ZNF691: variants seen among roughly 807,000 people sequenced by gnomAD.
ZNF691 encodes the protein zinc finger protein 691.
A neutral mutation model predicts 24.1 loss-of-function variants in ZNF691; 11 were observed. The ratio of observed to expected loss-of-function variants is 0.46; its 90% CI spans 0.29 to 0.75. The LOEUF is 0.75. Ranked by LOEUF, ZNF691 falls within the 30% of genes least tolerant of loss-of-function variation. ZNF691 has a pLI of 0.11. For synonymous variants in ZNF691, 149 were observed against 153.9 expected (o/e 0.97, Z 0.23); for missense variants, 356 against 409.0 (o/e 0.87, Z 1.12).
intron 3 of ZNF691, 112 bp downstream of exon 3, chr1:42,849,854 C>A (rs1004967694): frequency 3.1e-5 from 28 of 913,540 alleles, no homozygotes; most frequent in Non-Finnish European, 4.9e-5. Context: ...GTACTGGGCA[C>A]TCTTATGTGT....
At position 42,851,594 on chromosome 1, in the gene ZNF691, C is replaced by T. The variant is rs369770202; in HGVS notation, c.729C>T (p.Gly243=). 24 of 1,614,002 alleles carry T rather than the reference C, an allele frequency of 1.5e-5. No individual in the cohort carries two copies. Among genetic ancestry groups the T allele is most frequent in the Non-Finnish European group, 1.9e-5 (23 of 1,180,030 alleles). Residue 243 remains glycine, a synonymous_variant, in exon 4 of 4, where the codon GGC becomes GGT. Coordinates refer to ENST00000651192, the MANE Select transcript of ZNF691 (RefSeq NM_001242739.2). The surrounding 1 kb of genome is among the most constrained non-coding windows in gnomAD (Gnocchi z 4.7). ...GCTTCAGCAACAGCTCCAGCTTTGG[C>T]GTGCATCACCGCACCCACACAGGTG... ...GKSFSNSSSF[G]VHHRTHTGER...
intron 3 of ZNF691, chr1:42,850,419 T>A: frequency 1.0e-6 from 1 of 985,166 alleles, no homozygotes. Flanking sequence ...GTGGCAGAAA[T>A]CTCAAGAAAA....
intron 3 of ZNF691, chr1:42,850,327 C>CCCCACAGTAGGTCCTGGAGGT: frequency 1.3e-6 from 1 of 777,060 alleles, no homozygotes; most frequent in Non-Finnish European, 1.6e-6. Context: ...ACAGCCCAGG[C>CCCCACAGTAGGTCCTGGAGGT]CCCACAGTAG....
chr1:42,850,730 T>A (rs1655362285), intron 3 of ZNF691: 1 of 1,550,630 alleles, frequency 6.4e-7, no homozygotes, highest in Non-Finnish European at 8.7e-7. Context: ...AGCCGGTGCC[T>A]TCTTTTTGCT....
chr1:42,850,307 C>G lies in ZNF691; in HGVS notation c.84+565C>G, dbSNP rs1438106259. On this transcript the variant is annotated intron_variant, in intron 3 of 3. Transcript: ENST00000651192. ...AATGTAGTGGAGGGCACTGACTGATCAGAAGAAACACAGCCCAGGCCCCAC... is the reference window on the plus strand; with the variant it reads ...AATGTAGTGGAGGGCACTGACTGATGAGAAGAAACACAGCCCAGGCCCCAC... The G allele has an allele frequency of 8.1e-6, 5 of 616,238 alleles. No individual in the cohort carries two copies. The East Asian group carries it at 5.6e-4, about 69-fold the overall frequency. 38.2% of individuals were successfully genotyped at this position (616,238 alleles called of 1,614,324 possible). A position where few individuals can be genotyped will look rare whatever the true frequency, so the allele number is the denominator to read the frequency against.
intron 1 of ZNF691, among the ~76,000 whole-genome samples, chr1:42,848,950 CAG>C (rs1304116533): frequency 1.3e-5 from 2 of 152,212 alleles, no homozygotes; most frequent in Non-Finnish European, 2.9e-5. Context: ...GGAACACTAA[CAG>C]GGATTGGCAA....
chr1:42,850,168 G>A (rs183112426), intron 3 of ZNF691, among the ~76,000 whole-genome samples: 7 of 151,334 alleles, frequency 4.6e-5, no homozygotes, highest in Admixed American at 2.0e-4. Flanking sequence ...ACCGTGTTAC[G>A]TGAGAATATG....
In ZNF691 at chr1:42,851,703, G is replaced by A. The variant is rs1417879049; in HGVS notation, c.838G>A (p.Glu280Lys). The change falls in exon 4 of 4, where the codon GAG becomes AAG. Residue 280 changes from glutamate to lysine, a missense_variant. By Grantham distance (56) the Glu-to-Lys change is moderately conservative. Transcript: ENST00000651192. This position sits in a 1 kb window ranked among gnomAD's most constrained non-coding sequence, Gnocchi z 4.7. ...FGAHQRTHRG[E>K]KPYRCTVCGK... is the part of the protein sequence containing the mutation. ...AGCACACCAGCGGACCCACAGAGGGGAGAAGCCCTACCGGTGCACTGTGTG... is the reference window on the plus strand; with the variant it reads ...AGCACACCAGCGGACCCACAGAGGGAAGAAGCCCTACCGGTGCACTGTGTG... The A allele has an allele frequency of 6.2e-7, 1 of 1,614,138 alleles. No individual in the cohort carries two copies. The highest frequency in any genetic ancestry group is 8.5e-7 in the Non-Finnish European group (1 of 1,180,058).
intron 1 of ZNF691, among the ~76,000 whole-genome samples, chr1:42,848,433 T>G (rs1479783858): frequency 6.6e-6 from 1 of 152,200 alleles, no homozygotes; most frequent in African/African-American, 2.4e-5. Context: ...AACAGACATG[T>G]TCTACTAGTA....
chr1:42,847,659 T>A (rs1655276699), intron 1 of ZNF691, among the ~76,000 whole-genome samples: 1 of 152,266 alleles, frequency 6.6e-6, no homozygotes, highest in Admixed American at 6.5e-5. Flanking sequence ...ATCTGTATCA[T>A]GTGAACTTCA....
At position 42,851,529 on chromosome 1, in the gene ZNF691, C is replaced by T. The variant is rs761692008; in HGVS notation, c.664C>T (p.Leu222=). 6.9e-5 allele frequency: 111 copies of T among 1,614,122 alleles called. No homozygotes were observed. Among genetic ancestry groups the T allele is most frequent in the Non-Finnish European group, 8.7e-5 (103 of 1,180,034 alleles). ...GCTAGCTGTGCATCACCGGACCCAC[C>T]TGGAGCCAGCACCCTACATCTGCTG... ...ATLAVHHRTH[L]EPAPYICCEC... Residue 222 remains leucine, a synonymous_variant, in exon 4 of 4, where the codon CTG becomes TTG. Transcript: ENST00000651192. The surrounding 1 kb of genome is among the most constrained non-coding windows in gnomAD (Gnocchi z 4.7).
intron 3 of ZNF691, chr1:42,850,354 G>A (rs1655349505): frequency 1.0e-6 from 1 of 962,856 alleles, no homozygotes; most frequent in Non-Finnish European, 1.2e-6. Context: ...GAGGTCCCAG[G>A]TATTAACCCA....
intron 1 of ZNF691, among the ~76,000 whole-genome samples, chr1:42,848,556 G>C (rs1305917415): frequency 6.6e-6 from 1 of 152,136 alleles, no homozygotes; most frequent in African/African-American, 2.4e-5. Context: ...ATGGTTACTT[G>C]TGTCCCATGA....
At chr1:42,848,884 A>AT (rs920571524) in intron 1 of ZNF691, among the ~76,000 whole-genome samples, 9 of 152,196 alleles carry the variant, frequency 5.9e-5, no homozygotes, top group African/African-American at 2.2e-4. Context: ...GTTTACTTGC[A>AT]TTTTTGGAAG....
In ZNF691 at chr1:42,851,455, G is replaced by A. The variant is rs371364864; in HGVS notation, c.590G>A (p.Arg197Gln). The A allele has an allele frequency of 1.4e-5, 23 of 1,614,038 alleles. No homozygotes were observed. The highest frequency in any genetic ancestry group is 3.3e-4 in the Middle Eastern group (2 of 6,084). The change falls in exon 4 of 4, where the codon CGG becomes CAG. Residue 197 changes from arginine to glutamine, a missense_variant. Transcript: ENST00000651192. The surrounding 1 kb of genome is among the most constrained non-coding windows in gnomAD (Gnocchi z 4.7). ...CACCAGCAAGATCACCTAGGCAAGC[G>A]GCCATACCGCTGTGACATCTGTGGC... is the stretch of plus-strand genomic sequence containing the variant. ...TTHQQDHLGKRPYRCDICGKS... is the reference protein window; with the variant it reads ...TTHQQDHLGKQPYRCDICGKS...
Position 42,852,390 on chromosome 1 carries a change from A to C in ZNF691, c.*577A>C. On this transcript the variant is annotated 3_prime_UTR_variant, in exon 4 of 4. Coordinates refer to ENST00000651192, the MANE Select transcript of ZNF691 (RefSeq NM_001242739.2). ...GGAGCCATGACCCAGGGACCTTCAC[A>C]CTCCCCCATGTTTGTTACTTGTTAT... 1.1e-5 allele frequency: 2 copies of C among 185,646 alleles called. No homozygotes were observed. Among genetic ancestry groups the C allele is most frequent in the Non-Finnish European group, 2.5e-5 (2 of 78,692 alleles). 11.5% of individuals were successfully genotyped at this position (185,646 alleles called of 1,614,324 possible). A position where few individuals can be genotyped will look rare whatever the true frequency, so the allele number is the denominator to read the frequency against.
In ZNF691 at chr1:42,851,768, C is replaced by T. The variant is rs1386148796; in HGVS notation, c.903C>T (p.His301=). The T allele has an allele frequency of 1.9e-6, 3 of 1,614,180 alleles. No homozygotes were observed. The highest frequency in any genetic ancestry group is 2.7e-5 in the African/African-American group (2 of 75,048). The part of the protein sequence containing the change: ...HFSRSSNLIR[H]QKTHLGEQAG... ...CCCGGAGCTCGAATCTCATCCGCCA[C>T]CAGAAAACTCACTTGGGCGAACAGG... The change falls in exon 4 of 4, where the codon CAC becomes CAT. Residue 301 remains histidine, a synonymous_variant. Transcript: ENST00000651192. The surrounding 1 kb of genome is among the most constrained non-coding windows in gnomAD (Gnocchi z 4.7).
At position 42,851,850 on chromosome 1, in the gene ZNF691, G is replaced by A. The variant is rs1364080937; in HGVS notation, c.*37G>A. 6.2e-7 allele frequency: 1 copy of A among 1,613,292 alleles called. No individual in the cohort carries two copies. Among genetic ancestry groups the A allele is most frequent in the Non-Finnish European group, 8.5e-7 (1 of 1,179,586 alleles). ...ATTTAGAGTGAGGGAGAGAGAGTGA[G>A]AGACCCTAACCTATTGGAGGAAGAT... On this transcript the variant is annotated 3_prime_UTR_variant, in exon 4 of 4. Coordinates refer to ENST00000651192, the MANE Select transcript of ZNF691 (RefSeq NM_001242739.2). This position sits in a 1 kb window ranked among gnomAD's most constrained non-coding sequence, Gnocchi z 4.7.
intron 1 of ZNF691, among the ~76,000 whole-genome samples, chr1:42,848,680 CA>C (rs535127694): frequency 2.0e-5 from 3 of 150,356 alleles, no homozygotes; most frequent in Non-Finnish European, 4.4e-5. Context: ...AAAAAAAAAA[CA>C]AAAAAACAAC....
Sources: allele counts gnomAD v4.1 joint callset (sites outside exome capture counted in the v4.1 genomes callset), GRCh38; gene constraint gnomAD v4.1.1; non-coding constraint Gnocchi (gnomAD v3.1); transcripts MANE v1.5; gene names NCBI Gene and HGNC (gene_info 2026-07-23, HGNC 2026-07-21).